Variants in ITGB1 observed in about 807,000 individuals in gnomAD.
The protein encoded by ITGB1 is integrin beta-1.
A neutral mutation model predicts 86.5 loss-of-function variants in ITGB1; 24 were observed. That is an observed-to-expected ratio of 0.28 (90% CI 0.20 to 0.39). The LOEUF is 0.39. Among genes scored for constraint, ITGB1 ranks in the 10% least tolerant of loss-of-function variants. The probability of loss-of-function intolerance (pLI) is 1.00; values close to 1 mark genes in which losing one functional copy is unlikely to be tolerated. For missense variants in ITGB1, 556 were observed against 946.9 expected (o/e 0.59, Z 5.42); for synonymous variants, 323 against 316.8 (o/e 1.02, Z -0.21).
intron 14 of ITGB1, among the ~76,000 whole-genome samples, chr10:32,908,997 A>G (rs192835183): frequency 6.6e-6 from 1 of 152,340 alleles, no homozygotes; most frequent in African/African-American, 2.4e-5. Flanking sequence ...TATCCCACTC[A>G]AACTCCTGGC....
chr10:32,906,799 G>C (rs191430949), intron 15 of ITGB1, among the ~76,000 whole-genome samples: 249 of 152,312 alleles, frequency 1.6e-3, no homozygotes, highest in Middle Eastern at 0.014. Context: ...TACTTACTAA[G>C]TGGAAGAGGT....
intron 1 of ITGB1, among the ~76,000 whole-genome samples, chr10:32,943,584 C>T (rs993841749): frequency 1.3e-5 from 2 of 151,786 alleles, no homozygotes; most frequent in Non-Finnish European, 2.9e-5. Context: ...GGAGAGGGGA[C>T]CACGGAAACA....
chr10:32,933,988 A>C (rs778440427), intron 2 of ITGB1, among the ~76,000 whole-genome samples: 24 of 152,186 alleles, frequency 1.6e-4, no homozygotes, highest in Admixed American at 1.3e-3. Context: ...AAACACCCCA[A>C]GTACACATAT....
chr10:32,917,010 C>G (rs1028948840), intron 11 of ITGB1, among the ~76,000 whole-genome samples: 5 of 152,154 alleles, frequency 3.3e-5, no homozygotes, highest in Non-Finnish European at 5.9e-5. Flanking sequence ...ACCTATGGAA[C>G]AGAACAGAGC....
chr10:32,927,452 A>C (rs1394335674), intron 5 of ITGB1, among the ~76,000 whole-genome samples: 1 of 152,186 alleles, frequency 6.6e-6, no homozygotes, highest in Non-Finnish European at 1.5e-5. Flanking sequence ...CAGACATACT[A>C]ATTAGCAATT....
intron 5 of ITGB1, among the ~76,000 whole-genome samples, chr10:32,926,622 C>T (rs1289913394): frequency 1.3e-5 from 2 of 152,174 alleles, no homozygotes; most frequent in Non-Finnish European, 2.9e-5. Flanking sequence ...CTTCCTGAGG[C>T]CTCCCCAGAG....
chr10:32,953,426 T>C (rs2095046350), intron 1 of ITGB1, among the ~76,000 whole-genome samples: 1 of 152,112 alleles, frequency 6.6e-6, no homozygotes, highest in Non-Finnish European at 1.5e-5. Flanking sequence ...TAGAATAAAA[T>C]GTAATGTACA....
At chr10:32,904,362 C>T (rs2094890619) in intron 15 of ITGB1, among the ~76,000 whole-genome samples, 2 of 152,146 alleles carry the variant, frequency 1.3e-5, no homozygotes, top group Admixed American at 1.3e-4. Context: ...CATCTTTGTG[C>T]TCACTCTGGA....
At chr10:32,921,646 T>C (rs1182221715) in intron 9 of ITGB1, among the ~76,000 whole-genome samples, 1 of 152,192 alleles carries the variant, frequency 6.6e-6, no homozygotes, top group South Asian at 2.1e-4. Flanking sequence ...GTACACTGAA[T>C]TATGCTCAAA....
At chr10:32,952,964 CA>C (rs2095045443) in intron 1 of ITGB1, among the ~76,000 whole-genome samples, 1 of 152,186 alleles carries the variant, frequency 6.6e-6, no homozygotes, top group Admixed American at 6.5e-5. Flanking sequence ...TATTGGAGGG[CA>C]AGAACCCAGG....
intron 6 of ITGB1, among the ~76,000 whole-genome samples, chr10:32,924,442 T>C (rs1302031189): frequency 6.6e-6 from 1 of 152,254 alleles, no homozygotes; most frequent in Non-Finnish European, 1.5e-5. Flanking sequence ...ATTTATTTAA[T>C]ACGTCTGTTT....
chr10:32,921,966 T>C (rs1372819332), intron 9 of ITGB1, among the ~76,000 whole-genome samples: 1 of 152,178 alleles, frequency 6.6e-6, no homozygotes, highest in East Asian at 1.9e-4. Flanking sequence ...ATGTAAGTTA[T>C]GTTTTACAAT....
chr10:32,942,009 T>A (rs1475023124), intron 1 of ITGB1, among the ~76,000 whole-genome samples: 3 of 151,860 alleles, frequency 2.0e-5, no homozygotes, highest in African/African-American at 7.3e-5. Context: ...GACATGAGAG[T>A]TGTCATAATC....
chr10:32,907,845 A>T (rs980280578), intron 15 of ITGB1, among the ~76,000 whole-genome samples: 2 of 152,158 alleles, frequency 1.3e-5, no homozygotes, highest in African/African-American at 4.8e-5. Flanking sequence ...CCAAAAAAAA[A>T]TAATAATAAT....
chr10:32,950,936 G>T (rs2095041363), intron 1 of ITGB1, among the ~76,000 whole-genome samples: 1 of 152,144 alleles, frequency 6.6e-6, no homozygotes, highest in African/African-American at 2.4e-5. Flanking sequence ...CCAGGAAAAT[G>T]AAATATGGAA....
At chr10:32,947,851 T>G (rs1219013930) in intron 1 of ITGB1, among the ~76,000 whole-genome samples, 2 of 152,150 alleles carry the variant, frequency 1.3e-5, no homozygotes, top group Non-Finnish European at 2.9e-5. Context: ...CTTGTAGGGG[T>G]TTTGTGAAGT....
At chr10:32,951,115 T>C (rs1361995236) in intron 1 of ITGB1, among the ~76,000 whole-genome samples, 1 of 151,986 alleles carries the variant, frequency 6.6e-6, no homozygotes, top group Non-Finnish European at 1.5e-5. Flanking sequence ...TGAAAGGAAG[T>C]CAGTGAAGAA....
At chr10:32,947,432 CGTGTGTGTGTGT>C (rs1186872641) in intron 1 of ITGB1, among the ~76,000 whole-genome samples, 5 of 137,294 alleles carry the variant, frequency 3.6e-5, no homozygotes, top group Non-Finnish European at 6.2e-5. Context: ...CACATATAGC[CGTGTGTGTGTGT>C]GTGTGTGTGT....
At chr10:32,920,467 G>GA (rs2094945908) in intron 9 of ITGB1, 82 bp from the exon 10 acceptor site, 2 of 1,228,270 alleles carry the variant, frequency 1.6e-6, no homozygotes, top group Admixed American at 2.2e-5. Context: ...AAACTGCTCA[G>GA]AAAAAAATAT....
Sources: gnomAD v4.1 joint callset for allele counts (sites outside exome capture counted in the v4.1 genomes callset) on GRCh38, gnomAD v4.1.1 for gene constraint, MANE v1.5 for transcripts, NCBI Gene and HGNC (gene_info 2026-07-23, HGNC 2026-07-21) for gene names.